The following RICTOR variants were observed in gnomAD, a reference collection of about 807,000 sequenced individuals.
RICTOR encodes the protein RPTOR independent companion of MTOR complex 2.
RICTOR carries 49 observed loss-of-function variants against 214.9 expected under a neutral mutation model. The ratio of observed to expected loss-of-function variants is 0.23; its 90% CI spans 0.18 to 0.29. The LOEUF (loss-of-function observed/expected upper bound fraction) is 0.29. RICTOR is among the 10% of genes least tolerant of loss of function. The pLI is 1.00. For synonymous variants in RICTOR, 717 were observed against 711.3 expected, an observed-to-expected ratio of 1.01 and a Z score of -0.13; for missense variants, 1,625 against 2,047.0, an observed-to-expected ratio of 0.79 and a Z score of 3.98.
chr5:39,057,163 G>A (rs1008900689), intron 2 of RICTOR, among the ~76,000 whole-genome samples: 1 of 152,010 alleles, frequency 6.6e-6, no homozygotes, highest in African/African-American at 2.4e-5. Context: ...CATCCTTGAA[G>A]GACAAACCAA....
Position 39,062,159 on chromosome 5 carries a change from G to GT in RICTOR, c.97+11951dup, listed in dbSNP as rs573549839. ...TAATACGTCACTCTAAATAAACAAG[G>GT]TAGGAAATAGCTTAGTATTCAAACA... On this transcript the variant is annotated intron_variant, in intron 2 of 37. Coordinates refer to ENST00000357387, the MANE Select transcript of RICTOR (RefSeq NM_152756.5). Among the ~76,000 whole-genome samples the GT allele has an allele frequency of 4.2e-3, 634 of 152,110 alleles. 2 individuals carry two copies. The highest frequency in any genetic ancestry group is 0.014 in the African/African-American group (589 of 41,528).
chr5:38,990,065 A>G (rs1421993638), intron 7 of RICTOR, among the ~76,000 whole-genome samples: 2 of 152,200 alleles, frequency 1.3e-5, no homozygotes, highest in Admixed American at 6.5e-5. Context: ...AGCACTGTTC[A>G]CAATACAAAA....
intron 2 of RICTOR, among the ~76,000 whole-genome samples, chr5:39,034,238 A>C (rs1181610883): frequency 6.6e-6 from 1 of 152,256 alleles, no homozygotes; most frequent in Non-Finnish European, 1.5e-5. Context: ...ATAGATGAGG[A>C]TCAATCTAGG....
rs2150055306 is a variant in RICTOR at position 38,978,669 on chromosome 5, G to A, written c.754-19C>T. 3.4e-6 allele frequency: 4 copies of A among 1,187,670 alleles called. No individual in the cohort carries two copies. The highest frequency in any genetic ancestry group is 4.9e-6 in the Non-Finnish European group (4 of 820,208). 73.6% of individuals were successfully genotyped at this position (1,187,670 alleles called of 1,614,324 possible). A position where few individuals can be genotyped will look rare whatever the true frequency, so the allele number is the denominator to read the frequency against. On this transcript the variant is annotated intron_variant, in intron 8 of 37. Coordinates refer to ENST00000357387, the MANE Select transcript of RICTOR (RefSeq NM_152756.5). The stretch of plus-strand genomic sequence containing the variant: ...AAATTCTCTATTTAAAAAAAAAAAG[G>A]AAGAAAAGAGTCTTTATTTTAAAAT...
At chr5:38,999,459 C>A (rs1406971892) in intron 5 of RICTOR, among the ~76,000 whole-genome samples, 1 of 151,978 alleles carries the variant, frequency 6.6e-6, no homozygotes, top group East Asian at 1.9e-4. Flanking sequence ...AGCCTTTGAA[C>A]ATGAAGGCAA....
intron 2 of RICTOR, among the ~76,000 whole-genome samples, chr5:39,025,570 G>T (rs557217158): frequency 6.6e-6 from 1 of 152,206 alleles, no homozygotes; most frequent in African/African-American, 2.4e-5. Context: ...TTAAGCAACA[G>T]AAGTTTATAT....
chr5:38,948,834 G>T (rs1748451147), intron 31 of RICTOR, among the ~76,000 whole-genome samples: 1 of 151,914 alleles, frequency 6.6e-6, no homozygotes, highest in Non-Finnish European at 1.5e-5. Flanking sequence ...TATTAAATGT[G>T]TTAAGCATTA....
intron 19 of RICTOR, among the ~76,000 whole-genome samples, chr5:38,961,887 A>G (rs1020607386): frequency 3.3e-5 from 5 of 152,094 alleles, no homozygotes; most frequent in African/African-American, 1.2e-4. Context: ...TCATGCTACA[A>G]ACATTTGCAC....
intron 15 of RICTOR, among the ~76,000 whole-genome samples, chr5:38,965,688 C>T (rs897338841): frequency 2.6e-5 from 4 of 151,790 alleles, no homozygotes; most frequent in African/African-American, 9.7e-5. Flanking sequence ...CAAAAAAGAA[C>T]AGAGCAAGCA....
intron 3 of RICTOR, among the ~76,000 whole-genome samples, chr5:39,018,994 G>A (rs976216836): frequency 2.0e-5 from 3 of 152,200 alleles, no homozygotes; most frequent in African/African-American, 7.2e-5. Flanking sequence ...ACTGCTGATA[G>A]AAAGTTTTAG....
chr5:39,012,447 T>G (rs1332698151), intron 3 of RICTOR, among the ~76,000 whole-genome samples: 1 of 152,150 alleles, frequency 6.6e-6, no homozygotes, highest in Non-Finnish European at 1.5e-5. Flanking sequence ...TGCAGCAGTA[T>G]GAGAATGGAC....
At chr5:38,991,934 T>G (rs954686368) in intron 6 of RICTOR, among the ~76,000 whole-genome samples, 1 of 152,094 alleles carries the variant, frequency 6.6e-6, no homozygotes, top group Admixed American at 6.5e-5. Flanking sequence ...TAGAGAAAAT[T>G]AATTTGACCC....
rs747668033 is a variant in RICTOR, at chr5:38,959,865, A to G, written c.1965T>C (p.Leu655=). ...CAATAAATAAAAAGTAGTGTTGACT[A>G]AGGGTGGTCAATAAACCATTATTTT... ...SLQNNGLLTT[L]SQHYFLFIGT... is the part of the protein sequence containing the mutation. Residue 655 remains leucine (L), a synonymous_variant, in exon 21 of 38, where the codon CTT becomes CTC. Transcript: ENST00000357387. 1 of 1,612,918 alleles carries G rather than the reference A, an allele frequency of 6.2e-7. No homozygotes were observed. The highest frequency in any genetic ancestry group is 2.2e-5 in the East Asian group (1 of 44,808).
chr5:39,007,774 ATAT>A (rs1460816437), intron 3 of RICTOR, among the ~76,000 whole-genome samples: 2 of 151,224 alleles, frequency 1.3e-5, no homozygotes, highest in Non-Finnish European at 3.0e-5. Flanking sequence ...ATATTATTGT[ATAT>A]TATTTTATTA....
intron 25 of RICTOR, among the ~76,000 whole-genome samples, chr5:38,957,159 T>C (rs1031170514): frequency 2.0e-5 from 3 of 152,144 alleles, no homozygotes; most frequent in Non-Finnish European, 4.4e-5. Context: ...ACTACTCCCT[T>C]CTTAGCAGGT....
intron 9 of RICTOR, among the ~76,000 whole-genome samples, chr5:38,977,909 A>C (rs1235571933): frequency 1.3e-5 from 2 of 152,088 alleles, no homozygotes; most frequent in Non-Finnish European, 2.9e-5. Flanking sequence ...AACAATAAAA[A>C]CATTTCCCTG....
chr5:38,997,798 G>A (rs1753287179), intron 5 of RICTOR, among the ~76,000 whole-genome samples: 1 of 152,170 alleles, frequency 6.6e-6, no homozygotes, highest in Non-Finnish European at 1.5e-5. Flanking sequence ...GGTCTTACGG[G>A]CAGAGTCCTA....
At chr5:39,009,128 CAA>C (rs981279203) in intron 3 of RICTOR, among the ~76,000 whole-genome samples, 1 of 152,028 alleles carries the variant, frequency 6.6e-6, no homozygotes, top group Non-Finnish European at 1.5e-5. Flanking sequence ...TACAAATATA[CAA>C]AGTCTTGTCC....
intron 6 of RICTOR, among the ~76,000 whole-genome samples, chr5:38,993,292 T>A (rs1237404106): frequency 6.6e-6 from 1 of 152,172 alleles, no homozygotes; most frequent in African/African-American, 2.4e-5. Flanking sequence ...AATTCCTTAT[T>A]ACATGAATAA....
Sources: gnomAD v4.1 joint callset for allele counts (sites outside exome capture counted in the v4.1 genomes callset) on GRCh38, gnomAD v4.1.1 for gene constraint, MANE v1.5 for transcripts, NCBI Gene and HGNC (gene_info 2026-07-23, HGNC 2026-07-21) for gene names.